KIAA1958: variants seen among roughly 807,000 people sequenced by gnomAD.
KIAA1958 encodes the protein KIAA1958.
KIAA1958 carries 14 observed loss-of-function variants against 47.2 expected under a neutral mutation model. The ratio of observed to expected loss-of-function variants is 0.30; its 90% CI spans 0.20 to 0.46. The LOEUF (loss-of-function observed/expected upper bound fraction) is 0.46. Ranked by LOEUF, KIAA1958 falls within the 20% of genes least tolerant of loss-of-function variation. The pLI is 1.00. For missense variants in KIAA1958, 803 were observed against 909.2 expected, an observed-to-expected ratio of 0.88 and a Z score of 1.50; for synonymous variants, 354 against 353.3, an observed-to-expected ratio of 1.00 and a Z score of -0.02.
At chr9:112,538,284 C>G (rs570326352) in intron 1 of KIAA1958, among the ~76,000 whole-genome samples, 1 of 151,790 alleles carries the variant, frequency 6.6e-6, no homozygotes, top group Non-Finnish European at 1.5e-5. Flanking sequence ...TCCAGGAGGT[C>G]GAGGCTGCAG....
intron 1 of KIAA1958, among the ~76,000 whole-genome samples, chr9:112,527,869 G>A (rs771792341): frequency 4.0e-5 from 6 of 151,512 alleles, no homozygotes; most frequent in South Asian, 2.1e-4. Context: ...CCTGGGAAGC[G>A]GAGGTTTCAG....
At chr9:112,545,830 T>TTTG (rs1588011573) in intron 1 of KIAA1958, among the ~76,000 whole-genome samples, 3 of 148,266 alleles carry the variant, frequency 2.0e-5, no homozygotes, top group Middle Eastern at 3.2e-3. Context: ...TCTTTGTTTT[T>TTTG]TTTTTTTTTT....
chr9:112,633,057 G>A (rs1307945793), intron 2 of KIAA1958, among the ~76,000 whole-genome samples: 1 of 151,910 alleles, frequency 6.6e-6, no homozygotes, highest in Non-Finnish European at 1.5e-5. Flanking sequence ...CCAACAATTT[G>A]AATTAGAGTC....
intron 1 of KIAA1958, among the ~76,000 whole-genome samples, chr9:112,516,694 T>C (rs1251358368): frequency 4.6e-5 from 7 of 152,250 alleles, no homozygotes; most frequent in African/African-American, 1.7e-4. Context: ...CCTGGCTTCA[T>C]GACTTATTAT....
chr9:112,519,728 G>T (rs1229491093), intron 1 of KIAA1958, among the ~76,000 whole-genome samples: 3 of 152,168 alleles, frequency 2.0e-5, no homozygotes, highest in African/African-American at 7.2e-5. Flanking sequence ...AGATACATAT[G>T]ATTGCTGCAA....
intron 2 of KIAA1958, among the ~76,000 whole-genome samples, chr9:112,608,128 A>G (rs1235078092): frequency 1.3e-5 from 2 of 152,342 alleles, no homozygotes; most frequent in East Asian, 1.9e-4. Flanking sequence ...TGTGGGAATT[A>G]TGGTTAAAAA....
At chr9:112,561,398 T>C (rs1284203030) in intron 1 of KIAA1958, among the ~76,000 whole-genome samples, 2 of 152,174 alleles carry the variant, frequency 1.3e-5, no homozygotes, top group Admixed American at 1.3e-4. Flanking sequence ...AATTATTTCT[T>C]GTATCATTAG....
chr9:112,488,519 CT>C (rs535729014), intron 1 of KIAA1958, among the ~76,000 whole-genome samples: 2 of 152,082 alleles, frequency 1.3e-5, no homozygotes, highest in African/African-American at 4.8e-5. Flanking sequence ...TCTGGAAACT[CT>C]TTTTTGCCCA....
intron 1 of KIAA1958, among the ~76,000 whole-genome samples, chr9:112,521,760 G>A (rs1834547978): frequency 6.6e-6 from 1 of 151,778 alleles, no homozygotes; most frequent in Admixed American, 6.6e-5. Flanking sequence ...TTGTTATTCT[G>A]ATTTTTATAT....
intron 2 of KIAA1958, 47 bp from the exon 3 acceptor site, chr9:112,645,603 A>C: frequency 7.6e-7 from 1 of 1,313,564 alleles, no homozygotes; most frequent in East Asian, 2.4e-5. Context: ...TTCTCTAAAG[A>C]AGGGAATGGC....
rs866273713 is a variant in KIAA1958 at position 112,574,702 on chromosome 9, C to T, written c.622C>T (p.Pro208Ser). 6.2e-7 allele frequency: 1 copy of T among 1,614,100 alleles called. No homozygotes were observed. Among genetic ancestry groups the T allele is most frequent in the Non-Finnish European group, 8.5e-7 (1 of 1,180,020 alleles). Residue 208 changes from proline (P) to serine (S), a missense_variant, in exon 2 of 4, where the codon CCC becomes TCC. Pro to Ser is a moderately conservative substitution (Grantham distance 74). Transcript: ENST00000337530. Reference protein sequence around the residue: ...VIIKKIKQEIPEDYYIVANAE... With the variant: ...VIIKKIKQEISEDYYIVANAE... ...CATCAAGAAAATCAAACAAGAAATC[C>T]CCGAAGATTATTACATTGTGGCAAA...
intron 2 of KIAA1958, among the ~76,000 whole-genome samples, chr9:112,614,337 A>AT (rs1486402350): frequency 6.6e-6 from 1 of 152,170 alleles, no homozygotes; most frequent in Non-Finnish European, 1.5e-5. Flanking sequence ...TGGGCACTGG[A>AT]TTCACAGGTG....
At chr9:112,617,889 C>T in intron 2 of KIAA1958, 1 of 1,548,868 alleles carries the variant, frequency 6.5e-7, no homozygotes, top group Non-Finnish European at 8.7e-7. Flanking sequence ...GAAAGAGCAG[C>T]TGAGCTCAGC....
chr9:112,564,310 T>C (rs531374712), intron 1 of KIAA1958, among the ~76,000 whole-genome samples: 2 of 152,314 alleles, frequency 1.3e-5, no homozygotes, highest in East Asian at 3.9e-4. Context: ...TGTAGGCATA[T>C]AGTTACTTAG....
In KIAA1958 at chr9:112,665,092, A is replaced by C. The variant is rs75636321; in HGVS notation, c.*5023A>C. 1 of 152,180 alleles carries C rather than the reference A, an allele frequency of 6.6e-6. No homozygotes were observed. Among genetic ancestry groups the C allele is most frequent in the South Asian group, 2.1e-4 (1 of 4,832 alleles). 9.4% of individuals were successfully genotyped at this position (152,180 alleles called of 1,614,324 possible). A position where few individuals can be genotyped will look rare whatever the true frequency, so the allele number is the denominator to read the frequency against. ...TTAATTATTTCAGGAAATACATAAT[A>C]AGACCAAAAAAATCACTGGATAATA... On this transcript the variant is annotated 3_prime_UTR_variant, in exon 4 of 4. Transcript: ENST00000337530.
At chr9:112,614,222 A>T (rs1460838855) in intron 2 of KIAA1958, among the ~76,000 whole-genome samples, 1 of 152,130 alleles carries the variant, frequency 6.6e-6, no homozygotes, top group Non-Finnish European at 1.5e-5. Flanking sequence ...CAAAACTATG[A>T]TGTTTCAAGT....
At chr9:112,615,649 A>G (rs760690736) in intron 2 of KIAA1958, among the ~76,000 whole-genome samples, 9 of 152,150 alleles carry the variant, frequency 5.9e-5, no homozygotes, top group Non-Finnish European at 1.3e-4. Context: ...TATGTCCTAA[A>G]TTCAGAACAC....
chr9:112,602,995 TA>T (rs1242368034), intron 2 of KIAA1958, among the ~76,000 whole-genome samples: 1 of 152,178 alleles, frequency 6.6e-6, no homozygotes, highest in Non-Finnish European at 1.5e-5. Flanking sequence ...AACAAATACT[TA>T]TTGAATCCTA....
intron 3 of KIAA1958, among the ~76,000 whole-genome samples, chr9:112,650,378 A>T (rs79076025): frequency 0.018 from 2,808 of 152,298 alleles, 89 homozygotes; most frequent in African/African-American, 0.062. Flanking sequence ...TGCAAGGTTT[A>T]TATTTTATAT....
Sources: allele counts gnomAD v4.1 joint callset (sites outside exome capture counted in the v4.1 genomes callset), GRCh38; gene constraint gnomAD v4.1.1; transcripts MANE v1.5; gene names NCBI Gene and HGNC (gene_info 2026-07-23, HGNC 2026-07-21).